Variants in DDX18 observed in about 807,000 individuals in gnomAD.
DDX18 encodes ATP-dependent RNA helicase DDX18.
Under a neutral mutation model 73.5 loss-of-function variants are expected in DDX18, and 23 were observed. That is an observed-to-expected ratio of 0.31 (90% CI 0.23 to 0.44). The LOEUF (loss-of-function observed/expected upper bound fraction) is 0.44. DDX18 is among the 20% of genes least tolerant of loss of function. The pLI is 1.00. For missense variants in DDX18, 753 were observed against 792.9 expected, an observed-to-expected ratio of 0.95 and a Z score of 0.60; for synonymous variants, 268 against 282.7, an observed-to-expected ratio of 0.95 and a Z score of 0.52.
Position 117,830,956 on chromosome 2 carries a change from C to T in DDX18, c.*232C>T. 1 of 492,652 alleles carries T rather than the reference C, an allele frequency of 2.0e-6. No individual in the cohort carries two copies. Among genetic ancestry groups the T allele is most frequent in the East Asian group, 3.9e-5 (1 of 25,902 alleles). 30.5% of individuals were successfully genotyped at this position (492,652 alleles called of 1,614,324 possible). A position where few individuals can be genotyped will look rare whatever the true frequency, so the allele number is the denominator to read the frequency against. On this transcript the variant is annotated 3_prime_UTR_variant, in exon 14 of 14. Transcript: ENST00000263239. ...TGCCCAAGGGCAGAGCAAGGAATATCTGGTGTTTCTTGTGATGATAATATT... is the reference window on the plus strand; with the variant it reads ...TGCCCAAGGGCAGAGCAAGGAATATTTGGTGTTTCTTGTGATGATAATATT...
chr2:117,825,151 C>A (rs755056091), intron 9 of DDX18, 50 bp downstream of exon 9: 3 of 1,569,182 alleles, frequency 1.9e-6, no homozygotes, highest in Non-Finnish European at 2.6e-6. Context: ...TTATTAAATC[C>A]TATAGATTGT....
chr2:117,824,352 T>C, intron 7 of DDX18: 1 of 385,290 alleles, frequency 2.6e-6, no homozygotes, highest in Non-Finnish European at 4.5e-6. Flanking sequence ...CTTCAGTTGT[T>C]TGTCTTCAAA....
At chr2:117,828,609 C>T in intron 11 of DDX18, 1 of 216,178 alleles carries the variant, frequency 4.6e-6, no homozygotes, top group East Asian at 1.2e-4. Flanking sequence ...GGCCCCTCTT[C>T]TGACATGGAG....
At chr2:117,821,501 A>G in intron 4 of DDX18, 149 bp from the exon 5 acceptor site, 1 of 1,072,582 alleles carries the variant, frequency 9.3e-7, no homozygotes, top group East Asian at 2.6e-5. Flanking sequence ...GTTCTGACTT[A>G]TGATTTCAGT....
intron 2 of DDX18, among the ~76,000 whole-genome samples, chr2:117,819,049 A>G (rs1436643685): frequency 6.6e-6 from 1 of 152,184 alleles, no homozygotes; most frequent in Non-Finnish European, 1.5e-5. Context: ...TTTTATATAA[A>G]CACAGCATGT....
intron 1 of DDX18, chr2:117,815,075 T>C: frequency 3.4e-6 from 2 of 585,490 alleles, no homozygotes; most frequent in East Asian, 5.7e-5. Context: ...TTCTGAGCAA[T>C]CAGTGTCTTC....
Position 117,829,338 on chromosome 2 carries a change from A to G in DDX18, c.1742A>G (p.Glu581Gly). The G allele has an allele frequency of 6.2e-7, 1 of 1,612,820 alleles. No individual in the cohort carries two copies. The part of the protein sequence containing the change: ...KNYFLHKSAQ[E>G]AYKSYIRAYD... ...TACTTTCTTCATAAGTCAGCCCAGG[A>G]AGCATATAAGTCATACATACGAGCC... The change falls in exon 13 of 14, where the codon GAA (glutamate) becomes GGA (glycine). Residue 581 changes from glutamate to glycine, a missense_variant. Transcript: ENST00000263239.
chr2:117,824,866 T>C, intron 8 of DDX18, 74 bp from the exon 9 acceptor site: 1 of 1,521,328 alleles, frequency 6.6e-7, no homozygotes, highest in Non-Finnish European at 8.8e-7. Flanking sequence ...GTGCTCTTGA[T>C]GAAATTACAC....
intron 11 of DDX18, 127 bp from the exon 12 acceptor site, chr2:117,828,822 A>G (rs1679974921): frequency 1.5e-6 from 1 of 675,256 alleles, no homozygotes; most frequent in Non-Finnish European, 2.6e-6. Flanking sequence ...GGGAGACTAG[A>G]AAAAGCAGAT....
In DDX18 at chr2:117,828,982, A is replaced by G. The variant is rs749975131; in HGVS notation, c.1669A>G (p.Lys557Glu). The G allele has an allele frequency of 5.6e-6, 9 of 1,612,764 alleles. No individual in the cohort carries two copies. Among genetic ancestry groups the G allele is most frequent in the Non-Finnish European group, 6.8e-6 (8 of 1,178,878 alleles). ...AAGTGAATTTGACTTTTCCTGGTCT[A>G]AAATTTCTGACATTCAGTCTCAGGT... The part of the protein sequence containing the change: ...PLSEFDFSWS[K>E]ISDIQSQLEK... Residue 557 changes from lysine (K) to glutamate (E), a missense_variant, in exon 12 of 14, where the codon AAA becomes GAA. Transcript: ENST00000263239.
chr2:117,821,629 C>T (rs753345032), intron 4 of DDX18, 21 bp from the exon 5 acceptor site: 2 of 1,612,944 alleles, frequency 1.2e-6, no homozygotes, highest in Non-Finnish European at 8.5e-7. Context: ...TGTCTTTCTC[C>T]TTTCCCTTTT....
At chr2:117,816,479 T>C (rs1251071867) in intron 1 of DDX18, among the ~76,000 whole-genome samples, 1 of 152,196 alleles carries the variant, frequency 6.6e-6, no homozygotes, top group East Asian at 1.9e-4. Context: ...TCAGTTTCAC[T>C]GTCTTCCGCT....
chr2:117,817,199 A>C (rs1311652419), intron 1 of DDX18, among the ~76,000 whole-genome samples: 1 of 152,220 alleles, frequency 6.6e-6, no homozygotes, highest in Admixed American at 6.5e-5. Context: ...TTAAAGTCAG[A>C]TGTACGGTCT....
intron 10 of DDX18, chr2:117,825,928 A>C: frequency 2.6e-6 from 1 of 386,286 alleles, no homozygotes; most frequent in Non-Finnish European, 4.6e-6. Context: ...AATAAGCTTC[A>C]TTGAGAAGTA....
At position 117,825,453 on chromosome 2, in the gene DDX18, C is replaced by A. The variant is rs1679910362; in HGVS notation, c.1375C>A (p.Gln459Lys). 6.2e-7 allele frequency: 1 copy of A among 1,611,286 alleles called. No homozygotes were observed. The highest frequency in any genetic ancestry group is 1.1e-5 in the South Asian group (1 of 90,982). The change falls in exon 10 of 14, where the codon CAA becomes AAA. Residue 459 changes from glutamine (Q) to lysine (K), a missense_variant. Around this residue, in one of 3 missense-constraint regions of DDX18, gnomAD observed 402 missense variants for 419.4 expected, o/e 0.96. Transcript: ENST00000263239. Reference protein sequence around the residue: ...DLPVLAIHGKQKQNKRTTTFF... With the variant: ...DLPVLAIHGKKKQNKRTTTFF... ...TGTTTTTATTTAATTCTAGGGAAAGCAAAAGCAAAATAAGCGTACAACCAC... is the reference window on the plus strand; with the variant it reads ...TGTTTTTATTTAATTCTAGGGAAAGAAAAAGCAAAATAAGCGTACAACCAC...
At position 117,829,157 on chromosome 2, in the gene DDX18, A is replaced by G. The variant is rs1194329921; in HGVS notation, c.1693-132A>G. ...AGTGTATAAGGTTTCTTGCTATTCT[A>G]GTTATCACCACTCTGTGCCCTCTTT... On this transcript the variant is annotated intron_variant, in intron 12 of 13. Transcript: ENST00000263239. 14 of 1,146,328 alleles carry G rather than the reference A, an allele frequency of 1.2e-5. No homozygotes were observed. In the Admixed American group the frequency reaches 2.8e-4, roughly 23 times the overall value. The allele number at this position is 1,146,328 out of a possible 1,614,324, so 71.0% of individuals were successfully genotyped here. A position where few individuals can be genotyped will look rare whatever the true frequency, so the allele number is the denominator to read the frequency against.
At position 117,821,729 on chromosome 2, in the gene DDX18, T is replaced by G. The variant is rs754826770; in HGVS notation, c.730T>G (p.Leu244Val). Residue 244 changes from leucine to valine, a missense_variant, in exon 5 of 14, where the codon TTA becomes GTA. Leu to Val is a conservative substitution (Grantham distance 32, BLOSUM62 1). Coordinates refer to ENST00000263239, the MANE Select transcript of DDX18 (RefSeq NM_006773.4). ...CCCTGCAGTTGAACTCATTGTTAAGTTAAGGTTCATGCCCAGGAATGGTAA... is the reference window on the plus strand; with the variant it reads ...CCCTGCAGTTGAACTCATTGTTAAGGTAAGGTTCATGCCCAGGAATGGTAA... The part of the protein sequence containing the change: ...LIPAVELIVK[L>V]RFMPRNGTGV... 6.2e-7 allele frequency: 1 copy of G among 1,614,042 alleles called. No homozygotes were observed. The highest frequency in any genetic ancestry group is 1.7e-5 in the Admixed American group (1 of 59,994).
At chr2:117,829,169 T>C in intron 12 of DDX18, 120 bp from the exon 13 acceptor site, 2 of 1,192,668 alleles carry the variant, frequency 1.7e-6, no homozygotes, top group Non-Finnish European at 2.4e-6. Context: ...TTATCACCAC[T>C]CTGTGCCCTC....
At position 117,825,100 on chromosome 2, in the gene DDX18, A is replaced by G; in HGVS notation, c.1367A>G (p.His456Arg). 1 of 1,606,368 alleles carries G rather than the reference A, an allele frequency of 6.2e-7. No individual in the cohort carries two copies. ...NYIDLPVLAI[H>R]GKQKQNKRTT... ...ATTGATTTGCCCGTCTTGGCCATTC[A>G]TGTAAGTGATGATGATGAGCTCATT... The change falls in exon 9 of 14, where the codon CAT (histidine) becomes CGT (arginine). Residue 456 changes from histidine (H) to arginine (R), a missense_variant and splice_region_variant. Physicochemically the swap from His to Arg is conservative, Grantham distance 29. Around this residue, in one of 3 missense-constraint regions of DDX18, gnomAD observed 402 missense variants for 419.4 expected, o/e 0.96. Transcript: ENST00000263239.
Sources: allele counts gnomAD v4.1 joint callset (sites outside exome capture counted in the v4.1 genomes callset), GRCh38; gene constraint gnomAD v4.1.1; regional missense constraint gnomAD v4.1.1; transcripts MANE v1.5; gene names NCBI Gene and HGNC (gene_info 2026-07-23, HGNC 2026-07-21).